Variants in GART observed in about 807,000 individuals in gnomAD.
GART encodes phosphoribosylglycinamide formyltransferase, phosphoribosylglycinamide synthetase, phosphoribosylaminoimidazole synthetase.
Under a neutral mutation model 107.2 loss-of-function variants are expected in GART, and 43 were observed. That is an observed-to-expected ratio of 0.40 (90% CI 0.31 to 0.52). The LOEUF (loss-of-function observed/expected upper bound fraction) is 0.52, where lower values mean the gene tolerates loss of function less well. Ranked by LOEUF, GART falls within the 20% of genes least tolerant of loss-of-function variation. The pLI is 0.52. For missense variants in GART, 1,107 were observed against 1,206.5 expected (o/e 0.92, Z 1.22); for synonymous variants, 434 against 427.0 (o/e 1.02, Z -0.20).
At chr21:33,525,792 C>T (rs912802322) in intron 10 of GART, among the ~76,000 whole-genome samples, 1 of 151,490 alleles carries the variant, frequency 6.6e-6, no homozygotes, top group Non-Finnish European at 1.5e-5. Flanking sequence ...ATTATAAAAG[C>T]AATTGTTTAA....
intron 7 of GART, among the ~76,000 whole-genome samples, chr21:33,529,236 C>T (rs1434629046): frequency 6.6e-6 from 1 of 152,156 alleles, no homozygotes; most frequent in Non-Finnish European, 1.5e-5. Flanking sequence ...CTTCTTTGTA[C>T]TCTTCCCAGT....
At chr21:33,510,010 G>A in intron 17 of GART, 90 bp from the exon 18 acceptor site, 5 of 1,207,308 alleles carry the variant, frequency 4.1e-6, no homozygotes, top group South Asian at 1.5e-5. Context: ...AAAACTTTAG[G>A]GTATGTTTTA....
At chr21:33,524,022 CTT>C (rs1422755505) in intron 11 of GART, 3 of 659,476 alleles carry the variant, frequency 4.5e-6, no homozygotes, top group African/African-American at 2.0e-5. Context: ...CCAACTAAGA[CTT>C]TATTGATTTT....
chr21:33,531,989 T>C (rs2085201128), intron 5 of GART: 2 of 260,952 alleles, frequency 7.7e-6, no homozygotes, highest in East Asian at 9.3e-5. Flanking sequence ...AGACAAGGCA[T>C]ATTCATTCAT....
chr21:33,532,234 C>G, intron 5 of GART, 111 bp downstream of exon 5: 1 of 725,816 alleles, frequency 1.4e-6, no homozygotes, highest in South Asian at 1.7e-5. Context: ...ATAACTTACC[C>G]ATATGTTTGC....
chr21:33,519,857 T>C (rs1331065927), intron 14 of GART, among the ~76,000 whole-genome samples: 1 of 151,784 alleles, frequency 6.6e-6, no homozygotes, highest in Non-Finnish European at 1.5e-5. Flanking sequence ...AAAGAGGTTA[T>C]TTTGTTCCTT....
intron 18 of GART, among the ~76,000 whole-genome samples, chr21:33,506,881 TA>T (rs57590389): frequency 3.3e-5 from 5 of 152,096 alleles, no homozygotes; most frequent in Non-Finnish European, 7.4e-5. Context: ...TCGCCCCGGT[TA>T]AAATGGCTTT....
chr21:33,531,159 C>A, intron 6 of GART: 1 of 392,300 alleles, frequency 2.5e-6, no homozygotes, highest in Non-Finnish European at 4.4e-6. Context: ...CCACTTTAAG[C>A]TTCCAGGCAT....
intron 7 of GART, 52 bp downstream of exon 7, chr21:33,530,707 C>G: frequency 7.4e-7 from 1 of 1,347,886 alleles, no homozygotes; most frequent in Non-Finnish European, 9.6e-7. Context: ...TCTAAGAGTT[C>G]TCTGAGAAAA....
intron 10 of GART, 127 bp downstream of exon 10, chr21:33,528,040 G>C: frequency 1.3e-6 from 1 of 783,064 alleles, no homozygotes; most frequent in Non-Finnish European, 2.1e-6. Flanking sequence ...ACATGGTTAA[G>C]ACCCTCTGAA....
In GART at chr21:33,524,796, C is replaced by T. The variant is rs551383690; in HGVS notation, c.1271G>A (p.Arg424His). ...GGGCTGCTGGAGGAAAGCTATGGCA[C>T]GAAAGCCGACGTCTTTCCTATAAAT... ...GAIYRKDVGF[R>H]AIAFLQQPRS... Residue 424 changes from arginine to histidine, a missense_variant, in exon 11 of 22, where the codon CGT becomes CAT. Physicochemically the swap from Arg to His is conservative, Grantham distance 29 (BLOSUM62 0). Transcript: ENST00000381815. The T allele has an allele frequency of 8.1e-6, 13 of 1,614,220 alleles. No homozygotes were observed. The East Asian group carries it at 1.1e-4, about 14-fold the overall frequency.
At chr21:33,516,820 T>C (rs988289175) in intron 16 of GART, among the ~76,000 whole-genome samples, 169 bp downstream of exon 16, 6 of 152,138 alleles carry the variant, frequency 3.9e-5, no homozygotes, top group Admixed American at 1.3e-4. Context: ...ATACAGATAA[T>C]GAAGCAAAAA....
intron 1 of GART, among the ~76,000 whole-genome samples, chr21:33,539,665 C>T (rs750256513): frequency 2.0e-5 from 3 of 151,688 alleles, no homozygotes; most frequent in Non-Finnish European, 4.4e-5. Flanking sequence ...TACACTCTAG[C>T]CTGGGAAACA....
At chr21:33,515,637 A>G (rs1206098421) in intron 16 of GART, among the ~76,000 whole-genome samples, 1 of 135,938 alleles carries the variant, frequency 7.4e-6, no homozygotes, top group Non-Finnish European at 1.6e-5. Context: ...CTGGCGACAG[A>G]GCAAGACTCC....
Position 33,504,384 on chromosome 21 carries a change from T to C in GART, c.2841+28A>G, listed in dbSNP as rs888333082. On this transcript the variant is annotated intron_variant, in intron 21 of 21. Coordinates refer to ENST00000381815, the MANE Select transcript of GART (RefSeq NM_000819.5). ...TGTCATTTACATCTGACTACTAATA[T>C]TATGTTGGTAGAAAAAGACATACTC... 4.3e-6 allele frequency: 7 copies of C among 1,609,556 alleles called. No homozygotes were observed. In the African/African-American group the frequency reaches 6.7e-5, roughly 15 times the overall value.
At chr21:33,521,951 C>CA (rs1252653074) in intron 12 of GART, among the ~76,000 whole-genome samples, 378 of 82,446 alleles carry the variant, frequency 4.6e-3, no homozygotes, top group South Asian at 6.2e-3. Flanking sequence ...ACTCTTGTCT[C>CA]AAAAAAAAAA....
chr21:33,516,052 A>T (rs1267256150), intron 16 of GART, among the ~76,000 whole-genome samples: 3 of 151,886 alleles, frequency 2.0e-5, no homozygotes, highest in African/African-American at 7.3e-5. Context: ...ATTCGAAACC[A>T]GCCTGGCCAA....
At chr21:33,516,343 T>C (rs2084879261) in intron 16 of GART, among the ~76,000 whole-genome samples, 1 of 152,154 alleles carries the variant, frequency 6.6e-6, no homozygotes, top group Non-Finnish European at 1.5e-5. Flanking sequence ...GACTGTTCTT[T>C]TCAGTCACTC....
chr21:33,525,102 C>G, intron 10 of GART, 102 bp from the exon 11 acceptor site: 3 of 1,348,944 alleles, frequency 2.2e-6, no homozygotes, highest in Non-Finnish European at 2.9e-6. Context: ...TTTTTTTTAA[C>G]TTGGCTAGGT....
Sources: gnomAD v4.1 joint callset for allele counts (sites outside exome capture counted in the v4.1 genomes callset) on GRCh38, gnomAD v4.1.1 for gene constraint, MANE v1.5 for transcripts, NCBI Gene and HGNC (gene_info 2026-07-23, HGNC 2026-07-21) for gene names.